PPIL4: variants seen among roughly 807,000 people sequenced by gnomAD.
The protein encoded by PPIL4 is peptidyl-prolyl cis-trans isomerase-like 4.
In PPIL4, 50 loss-of-function variants were observed where a neutral mutation model predicts 69.1. That is an observed-to-expected ratio of 0.72 (90% CI 0.58 to 0.92). The LOEUF (loss-of-function observed/expected upper bound fraction) is 0.92. Ranked by LOEUF, PPIL4 falls within the 40% of genes least tolerant of loss-of-function variation. PPIL4 has a pLI of 0.00. For missense variants in PPIL4, 480 were observed against 587.9 expected, an observed-to-expected ratio of 0.82 and a Z score of 1.90; for synonymous variants, 193 against 191.6, an observed-to-expected ratio of 1.01 and a Z score of -0.06.
At chr6:149,543,674 T>TA (rs1411316727) in intron 1 of PPIL4, among the ~76,000 whole-genome samples, 1 of 152,184 alleles carries the variant, frequency 6.6e-6, no homozygotes, top group Non-Finnish European at 1.5e-5. Flanking sequence ...ACTTATGTGG[T>TA]ACTTAAGCTC....
rs1326373919 is a variant in PPIL4 at position 149,505,097 on chromosome 6, A to G, written c.*356T>C. ...CTTCTAAAATGTCGACAACATCTGT[A>G]TCTTAAGCTGGCTGATGAGTACACA... is the stretch of plus-strand genomic sequence containing the variant. On this transcript the variant is annotated 3_prime_UTR_variant, in exon 13 of 13. Coordinates refer to ENST00000253329, the MANE Select transcript of PPIL4 (RefSeq NM_139126.4). 6.1e-6 allele frequency: 1 copy of G among 163,208 alleles called. No individual in the cohort carries two copies. The highest frequency in any genetic ancestry group is 1.3e-5 in the Non-Finnish European group (1 of 75,398). 10.1% of individuals were successfully genotyped at this position (163,208 alleles called of 1,614,324 possible). A position where few individuals can be genotyped will look rare whatever the true frequency, so the allele number is the denominator to read the frequency against.
chr6:149,539,964 T>C (rs1237559668), intron 4 of PPIL4, among the ~76,000 whole-genome samples: 4 of 151,942 alleles, frequency 2.6e-5, no homozygotes, highest in Admixed American at 2.6e-4. Flanking sequence ...ACCCTGTCTC[T>C]ACGAAAAATA....
intron 1 of PPIL4, among the ~76,000 whole-genome samples, chr6:149,543,879 C>G (rs1357397850): frequency 2.6e-5 from 4 of 152,052 alleles, no homozygotes; most frequent in African/African-American, 9.7e-5. Flanking sequence ...CTCTCTACAT[C>G]TGTGTTTTAA....
At position 149,512,211 on chromosome 6, in the gene PPIL4, G is replaced by A. The variant is rs1328774265; in HGVS notation, c.1171C>T (p.His391Tyr). The A allele has an allele frequency of 1.2e-6, 2 of 1,613,316 alleles. No homozygotes were observed. Among genetic ancestry groups the A allele is most frequent in the East Asian group, 4.5e-5 (2 of 44,798 alleles). The stretch of plus-strand genomic sequence containing the variant: ...TCATCTTCTTTCTCTTCAGAACAGT[G>A]ATGGGTTTTCTTCTTGTGTTTTTTA... ...TSKKHKKKTHHCSEEKEDEDY... is the reference protein window; with the variant it reads ...TSKKHKKKTHYCSEEKEDEDY... The change falls in exon 12 of 13, where the codon CAC becomes TAC. Residue 391 changes from histidine (H) to tyrosine (Y), a missense_variant. Coordinates refer to ENST00000253329, the MANE Select transcript of PPIL4 (RefSeq NM_139126.4).
chr6:149,524,161 A>G lies in PPIL4; in HGVS notation c.870+982T>C, dbSNP rs975033032. On this transcript the variant is annotated intron_variant, in intron 9 of 12. Coordinates refer to ENST00000253329, the MANE Select transcript of PPIL4 (RefSeq NM_139126.4). ...AAACTCAATGGGAACAGAATCAGAC[A>G]TATCTGAGTTCAAATCCCAGCTATG... Among the ~76,000 whole-genome samples, 27 of 152,238 alleles carry G rather than the reference A, an allele frequency of 1.8e-4. 1 individual carries two copies. Among genetic ancestry groups the G allele is most frequent in the Admixed American group, 1.8e-3 (27 of 15,284 alleles).
At chr6:149,522,832 C>T (rs1445035750) in intron 9 of PPIL4, among the ~76,000 whole-genome samples, 15 of 152,072 alleles carry the variant, frequency 9.9e-5, no homozygotes, top group Admixed American at 9.8e-4. Flanking sequence ...AGGATGGTCT[C>T]GATCTCTTGA....
At chr6:149,523,752 T>C (rs968728936) in intron 9 of PPIL4, among the ~76,000 whole-genome samples, 1 of 150,936 alleles carries the variant, frequency 6.6e-6, no homozygotes, top group African/African-American at 2.4e-5. Context: ...ACTCAAAACA[T>C]GGGCAGTCAT....
chr6:149,512,933 G>A (rs966134531), intron 11 of PPIL4, among the ~76,000 whole-genome samples: 2 of 151,592 alleles, frequency 1.3e-5, no homozygotes, highest in East Asian at 3.9e-4. Context: ...TAGTAGAAAC[G>A]GGGCTTCCCC....
At chr6:149,526,614 T>C (rs771509049) in intron 8 of PPIL4, 38 bp downstream of exon 8, 2 of 1,562,608 alleles carry the variant, frequency 1.3e-6, no homozygotes, top group Admixed American at 3.7e-5. Context: ...TGATACCTAG[T>C]TTTTCTAAAT....
At chr6:149,506,345 G>A (rs1776770356) in intron 12 of PPIL4, among the ~76,000 whole-genome samples, 1 of 152,110 alleles carries the variant, frequency 6.6e-6, no homozygotes, top group South Asian at 2.1e-4. Context: ...GGGGACGCAT[G>A]CCTGTAATCC....
At chr6:149,509,782 A>G (rs1200047458) in intron 12 of PPIL4, among the ~76,000 whole-genome samples, 1 of 152,234 alleles carries the variant, frequency 6.6e-6, no homozygotes, top group African/African-American at 2.4e-5. Context: ...CTATGAAACT[A>G]AACTGTGGTT....
chr6:149,534,813 G>C (rs1287230132), intron 5 of PPIL4, 39 bp from the exon 6 acceptor site: 1 of 1,164,016 alleles, frequency 8.6e-7, no homozygotes, highest in African/African-American at 1.6e-5. Flanking sequence ...ATACATTGAA[G>C]TTATTTCAGA....
chr6:149,532,465 G>A (rs1777213517), intron 7 of PPIL4, among the ~76,000 whole-genome samples: 1 of 152,124 alleles, frequency 6.6e-6, no homozygotes, highest in Non-Finnish European at 1.5e-5. Context: ...TTGTCTTGGT[G>A]TTGGGTGTTC....
chr6:149,545,176 T>G (rs1045624823), intron 1 of PPIL4, among the ~76,000 whole-genome samples: 2 of 152,166 alleles, frequency 1.3e-5, no homozygotes, highest in Admixed American at 6.5e-5. Flanking sequence ...TCCAGAAAAT[T>G]CCAAACAAAG....
chr6:149,515,659 G>A (rs1239750551), intron 11 of PPIL4, among the ~76,000 whole-genome samples: 1 of 152,128 alleles, frequency 6.6e-6, no homozygotes, highest in Non-Finnish European at 1.5e-5. Context: ...TGCTTACTAA[G>A]TATCTGTTGA....
intron 4 of PPIL4, among the ~76,000 whole-genome samples, chr6:149,539,364 T>C (rs1417998309): frequency 6.6e-6 from 1 of 152,140 alleles, no homozygotes; most frequent in Admixed American, 6.5e-5. Context: ...TCCATCAACA[T>C]GGCAGACTTC....
intron 7 of PPIL4, among the ~76,000 whole-genome samples, chr6:149,527,873 T>C (rs1334145034): frequency 6.6e-6 from 1 of 152,130 alleles, no homozygotes; most frequent in East Asian, 1.9e-4. Context: ...CCCCAAAATC[T>C]TGAAAATAAA....
intron 10 of PPIL4, among the ~76,000 whole-genome samples, chr6:149,519,595 A>G (rs181248042): frequency 1.3e-5 from 2 of 152,350 alleles, no homozygotes; most frequent in East Asian, 1.9e-4. Flanking sequence ...CTAATAGTAC[A>G]TGGAACTCCA....
intron 8 of PPIL4, 27 bp from the exon 9 acceptor site, chr6:149,525,236 T>TAAAAA: frequency 1.1e-6 from 1 of 949,624 alleles, no homozygotes; most frequent in Non-Finnish European, 1.5e-6. Flanking sequence ...AAAAGTGACT[T>TAAAAA]AAAAAAAAAA....
Sources: gnomAD v4.1 joint callset for allele counts (sites outside exome capture counted in the v4.1 genomes callset) on GRCh38, gnomAD v4.1.1 for gene constraint, MANE v1.5 for transcripts, NCBI Gene and HGNC (gene_info 2026-07-23, HGNC 2026-07-21) for gene names.